Variants in CDC14B observed in about 807,000 individuals in gnomAD.
CDC14B encodes dual specificity protein phosphatase CDC14B.
In CDC14B, 22 loss-of-function variants were observed where a neutral mutation model predicts 64.2. The ratio of observed to expected loss-of-function variants is 0.34; its 90% confidence interval spans 0.24 to 0.49. CDC14B has a LOEUF of 0.49. Ranked by LOEUF, CDC14B falls within the 20% of genes least tolerant of loss-of-function variation. CDC14B has a pLI of 0.99. For synonymous variants in CDC14B, 191 were observed against 215.8 expected, an observed-to-expected ratio of 0.89 and a Z score of 1.01; for missense variants, 498 against 629.9, an observed-to-expected ratio of 0.79 and a Z score of 2.24.
At chr9:96,563,371 T>C (rs1234863621) in intron 3 of CDC14B, among the ~76,000 whole-genome samples, 1 of 152,136 alleles carries the variant, frequency 6.6e-6, no homozygotes, top group East Asian at 1.9e-4. Flanking sequence ...AAAAGTTTTC[T>C]GGTGGGTGCG....
At chr9:96,527,680 A>G (rs1221246099) in intron 9 of CDC14B, among the ~76,000 whole-genome samples, 3 of 151,848 alleles carry the variant, frequency 2.0e-5, no homozygotes, top group African/African-American at 7.3e-5. Flanking sequence ...CAATGGCGCA[A>G]TCTCAGCTCA....
chr9:96,596,639 T>A lies in CDC14B; in HGVS notation c.160+22580A>T, dbSNP rs1056022252. Among the ~76,000 whole-genome samples the A allele has an allele frequency of 9.2e-5, 14 of 152,136 alleles. No homozygotes were observed. The South Asian group carries it at 2.9e-3, about 32-fold the overall frequency. On this transcript the variant is annotated intron_variant, in intron 1 of 13. Transcript: ENST00000375241. Reference sequence around the variant, plus strand: ...ATTTTAGGAGGCCAAGGAGGGGGGATTGCTTGGGCCCGGAAGTTGGAGACC... The same window carrying A: ...ATTTTAGGAGGCCAAGGAGGGGGGAATGCTTGGGCCCGGAAGTTGGAGACC...
At chr9:96,499,461 C>T (rs1011007262), downstream of CDC14B, among the ~76,000 whole-genome samples, 2 of 152,188 alleles carry the variant, frequency 1.3e-5, no homozygotes, top group Admixed American at 6.5e-5. Flanking sequence ...GTGCTGGGGC[C>T]GGTGCCGCCC....
chr9:96,573,782 AAT>A (rs2118091387), intron 1 of CDC14B, among the ~76,000 whole-genome samples: 1 of 152,358 alleles, frequency 6.6e-6, no homozygotes, highest in Non-Finnish European at 1.5e-5. Flanking sequence ...AATTACATGG[AAT>A]ATGACATGTT....
chr9:96,503,084 C>G lies in CDC14B; in HGVS notation c.*669G>C. 2.6e-6 allele frequency: 1 copy of G among 389,132 alleles called. No individual in the cohort carries two copies. The highest frequency in any genetic ancestry group is 3.6e-5 in the East Asian group (1 of 27,550). 24.1% of individuals were successfully genotyped at this position (389,132 alleles called of 1,614,324 possible). On this transcript the variant is annotated 3_prime_UTR_variant, in exon 14 of 14. Coordinates refer to ENST00000375241, the MANE Select transcript of CDC14B (RefSeq NM_033331.4). ...TCTCCTCCTGAGTCTTCTAAAGCTA[C>G]CATTAATATTCTCTTGCAAGTTTTA...
At chr9:96,551,668 T>C in intron 5 of CDC14B, 128 bp downstream of exon 5, 1 of 1,301,698 alleles carries the variant, frequency 7.7e-7, no homozygotes, top group East Asian at 2.5e-5. Flanking sequence ...AAAACCCAGA[T>C]CTGTGGTGTT....
chr9:96,560,759 CTT>C (rs369325680), intron 4 of CDC14B, among the ~76,000 whole-genome samples: 10 of 132,414 alleles, frequency 7.6e-5, no homozygotes, highest in Admixed American at 7.7e-5. Flanking sequence ...ACTACTCAAA[CTT>C]TTTTTTTTTT....
At chr9:96,547,604 C>T (rs1365141302) in intron 5 of CDC14B, among the ~76,000 whole-genome samples, 1 of 152,070 alleles carries the variant, frequency 6.6e-6, no homozygotes, top group Non-Finnish European at 1.5e-5. Context: ...CAGACACATG[C>T]CACCCTGCCC....
At chr9:96,543,305 G>C (rs1199601675) in intron 5 of CDC14B, among the ~76,000 whole-genome samples, 29 of 152,040 alleles carry the variant, frequency 1.9e-4, no homozygotes, top group African/African-American at 6.8e-4. Context: ...TTGCACTCCA[G>C]CCTGGGTGAC....
chr9:96,523,561 A>C, intron 10 of CDC14B, 26 bp downstream of exon 10: 2 of 1,613,830 alleles, frequency 1.2e-6, no homozygotes, highest in Non-Finnish European at 1.7e-6. Context: ...GTTCCCTGGG[A>C]ACTACAGACG....
At chr9:96,544,423 G>T (rs76215130) in intron 5 of CDC14B, among the ~76,000 whole-genome samples, 3 of 152,072 alleles carry the variant, frequency 2.0e-5, no homozygotes, top group Non-Finnish European at 4.4e-5. Flanking sequence ...AGCTAAAATC[G>T]TCTTCAATGT....
intron 4 of CDC14B, among the ~76,000 whole-genome samples, chr9:96,558,554 G>C (rs1842776219): frequency 1.3e-5 from 2 of 152,090 alleles, no homozygotes. Context: ...CTTTTTAAAA[G>C]ATTTTTTAAA....
In CDC14B at chr9:96,565,475, A is replaced by C. The variant is rs756027915; in HGVS notation, c.169T>G (p.Cys57Gly). The C allele has an allele frequency of 6.8e-6, 11 of 1,608,832 alleles. No individual in the cohort carries two copies. In the South Asian group the frequency reaches 1.2e-4, roughly 18 times the overall value. ...DVYLDITDRL[C>G]FAILYSRPKS... is the part of the protein sequence containing the mutation. ...GGTCTGCTGTAGAGAATGGCAAAAC[A>C]AAGGCGATCTGAAATGGAAAAATTG... The change falls in exon 2 of 14, where the codon TGT (cysteine) becomes GGT (glycine). Residue 57 changes from cysteine (C) to glycine (G), a missense_variant. Cys to Gly is a radical substitution (Grantham distance 159). Transcript: ENST00000375241.
intron 1 of CDC14B, among the ~76,000 whole-genome samples, chr9:96,598,757 T>A (rs1165624410): frequency 1.3e-5 from 2 of 152,214 alleles, no homozygotes; most frequent in East Asian, 3.8e-4. Context: ...TTTTGGAATG[T>A]CACCCTGATA....
At chr9:96,564,708 G>GTT in intron 3 of CDC14B, 69 bp downstream of exon 3, 2 of 894,502 alleles carry the variant, frequency 2.2e-6, no homozygotes, top group Non-Finnish European at 3.4e-6. Flanking sequence ...AAAAAGAGAT[G>GTT]TTTTCCTTAC....
At chr9:96,590,118 A>G (rs1245099514) in intron 1 of CDC14B, among the ~76,000 whole-genome samples, 1 of 152,208 alleles carries the variant, frequency 6.6e-6, no homozygotes, top group East Asian at 1.9e-4. Flanking sequence ...CTGAAACTCT[A>G]TATCCACTGA....
chr9:96,495,036 G>C (rs1023280766), intron 13 of CDC14B, among the ~76,000 whole-genome samples: 1 of 151,678 alleles, frequency 6.6e-6, no homozygotes, highest in East Asian at 2.0e-4. Flanking sequence ...GGGTTTCACC[G>C]TGTTAGCCAG....
intron 4 of CDC14B, among the ~76,000 whole-genome samples, chr9:96,561,839 G>A (rs1256492706): frequency 6.6e-6 from 1 of 151,882 alleles, no homozygotes; most frequent in Non-Finnish European, 1.5e-5. Context: ...CACTGATGGT[G>A]GGGTGGGGGT....
chr9:96,608,042 T>C (rs1378001978), intron 1 of CDC14B, among the ~76,000 whole-genome samples: 1 of 152,234 alleles, frequency 6.6e-6, no homozygotes, highest in African/African-American at 2.4e-5. Context: ...CTATGAGTTT[T>C]ACAGATAAGG....
Sources: allele counts gnomAD v4.1 joint callset (sites outside exome capture counted in the v4.1 genomes callset), GRCh38; gene constraint gnomAD v4.1.1; transcripts MANE v1.5; gene names NCBI Gene and HGNC (gene_info 2026-07-23, HGNC 2026-07-21).